Variants in RBPMS observed in about 807,000 individuals in gnomAD.
The protein encoded by RBPMS is RNA binding protein, mRNA processing factor.
A neutral mutation model predicts 26.8 loss-of-function variants in RBPMS; 7 were observed. That is an observed-to-expected ratio of 0.26 (90% CI 0.15 to 0.49). The LOEUF (loss-of-function observed/expected upper bound fraction) is 0.49. Among genes scored for constraint, RBPMS ranks in the 20% least tolerant of loss-of-function variants. RBPMS has a pLI of 0.98. For missense variants in RBPMS, 186 were observed against 250.0 expected, an observed-to-expected ratio of 0.74 and a Z score of 1.73; for synonymous variants, 96 against 93.3, an observed-to-expected ratio of 1.03 and a Z score of -0.17.
At chr8:30,424,623 G>A (rs1368936167) in intron 1 of RBPMS, among the ~76,000 whole-genome samples, 1 of 152,182 alleles carries the variant, frequency 6.6e-6, no homozygotes, top group Non-Finnish European at 1.5e-5. Flanking sequence ...TCATCTGTTT[G>A]TAAGAAGAGA....
At chr8:30,542,104 G>T (rs1336282037) in intron 5 of RBPMS, among the ~76,000 whole-genome samples, 1 of 152,190 alleles carries the variant, frequency 6.6e-6, no homozygotes, top group Non-Finnish European at 1.5e-5. Context: ...TTTATCAAGT[G>T]TAAGTTCACC....
Position 30,533,462 on chromosome 8 carries a change from T to C in RBPMS, c.398-11032T>C, listed in dbSNP as rs558010787. ...GCACTTTTGAGATGTCCACACTTTG[T>C]TGCTAGCAGCTTTGTTACCTGTGGA... On this transcript the variant is annotated intron_variant, in intron 5 of 8. Transcript: ENST00000397323. 1.1e-4 allele frequency among the ~76,000 whole-genome samples: 16 copies of C among 152,342 alleles called. No homozygotes were observed. The South Asian group carries it at 2.5e-3, about 24-fold the overall frequency.
chr8:30,446,934 C>G (rs550331502), intron 1 of RBPMS: 2 of 152,048 alleles, frequency 1.3e-5, no homozygotes, highest in African/African-American at 4.8e-5. Flanking sequence ...TCTCTGCCAT[C>G]TTCAACAGGT....
intron 5 of RBPMS, among the ~76,000 whole-genome samples, chr8:30,519,623 A>C (rs1822818135): frequency 6.6e-6 from 1 of 151,642 alleles, no homozygotes; most frequent in African/African-American, 2.4e-5. Flanking sequence ...AACTGGGACT[A>C]TAGGCGCCCA....
chr8:30,550,589 G>A (rs150016710), intron 6 of RBPMS, among the ~76,000 whole-genome samples: 1,979 of 152,294 alleles, frequency 0.013, 13 homozygotes, highest in Middle Eastern at 0.024. Flanking sequence ...GAGACCTCAC[G>A]GCTGGAGCCA....
chr8:30,520,916 C>T (rs1822957651), intron 5 of RBPMS, among the ~76,000 whole-genome samples: 1 of 151,892 alleles, frequency 6.6e-6, no homozygotes, highest in East Asian at 1.9e-4. Flanking sequence ...TATTTTCTTC[C>T]CAATTGTAAG....
chr8:30,393,447 T>G (rs1385889713), intron 1 of RBPMS, among the ~76,000 whole-genome samples: 4 of 152,132 alleles, frequency 2.6e-5, no homozygotes, highest in Non-Finnish European at 4.4e-5. Flanking sequence ...TTGACTTTTT[T>G]GGGGAAAAGG....
chr8:30,450,968 T>C (rs1814514632), intron 1 of RBPMS, among the ~76,000 whole-genome samples: 1 of 151,370 alleles, frequency 6.6e-6, no homozygotes. Context: ...GTAAAAAATA[T>C]CAAAAAATAT....
At chr8:30,458,986 G>A (rs1345168885) in intron 1 of RBPMS, among the ~76,000 whole-genome samples, 4 of 141,906 alleles carry the variant, frequency 2.8e-5, no homozygotes, top group Non-Finnish European at 1.5e-5. Context: ...TTTTTGAGAC[G>A]GAGTCTCACT....
intron 5 of RBPMS, among the ~76,000 whole-genome samples, chr8:30,510,699 CCTTCCAAATAGCTGGG>C (rs1821501657): frequency 6.6e-6 from 1 of 152,126 alleles, no homozygotes; most frequent in East Asian, 1.9e-4. Context: ...TCTACCTCAG[CCTTCCAAATAGCTGGG>C]ACTACAGGTG....
intron 1 of RBPMS, 56 bp from the exon 2 acceptor site, chr8:30,474,723 A>C: frequency 1.1e-6 from 1 of 939,602 alleles, no homozygotes; most frequent in Non-Finnish European, 1.7e-6. Context: ...ATCAGGTGAG[A>C]GTTAACTCTC....
At chr8:30,476,261 A>G (rs1239089147) in intron 2 of RBPMS, among the ~76,000 whole-genome samples, 1 of 152,230 alleles carries the variant, frequency 6.6e-6, no homozygotes, top group Non-Finnish European at 1.5e-5. Flanking sequence ...GGCAGAGCCA[A>G]GATTCAAACC....
intron 5 of RBPMS, among the ~76,000 whole-genome samples, chr8:30,517,672 C>T (rs1246791571): frequency 6.6e-6 from 1 of 152,152 alleles, no homozygotes; most frequent in Non-Finnish European, 1.5e-5. Flanking sequence ...GGAGTGTTTA[C>T]ACATAGTAGA....
chr8:30,462,745 G>A (rs1477596291), intron 1 of RBPMS, among the ~76,000 whole-genome samples: 1 of 151,964 alleles, frequency 6.6e-6, no homozygotes, highest in Non-Finnish European at 1.5e-5. Context: ...TGTTGTTGTT[G>A]TTGTTTTTAA....
intron 1 of RBPMS, 65 bp downstream of exon 1, chr8:30,385,223 G>A: frequency 3.3e-6 from 4 of 1,198,706 alleles, no homozygotes; most frequent in Non-Finnish European, 4.4e-6. Context: ...CCGGCGGGGC[G>A]CGGGCCCGGG....
chr8:30,526,694 C>A (rs994574078), intron 5 of RBPMS, among the ~76,000 whole-genome samples: 5 of 152,144 alleles, frequency 3.3e-5, no homozygotes, highest in African/African-American at 1.2e-4. Context: ...AGACTGACTT[C>A]ATTCAGGAAA....
At chr8:30,562,024 A>T (rs1827532617) in intron 7 of RBPMS, 1 of 985,202 alleles carries the variant, frequency 1.0e-6, no homozygotes, top group Admixed American at 6.1e-5. Context: ...AGATCCGAAT[A>T]AGATCCGAAT....
intron 5 of RBPMS, among the ~76,000 whole-genome samples, chr8:30,506,981 A>G (rs1345175759): frequency 1.3e-5 from 2 of 152,322 alleles, no homozygotes; most frequent in East Asian, 1.9e-4. Flanking sequence ...TGGTGGTCAA[A>G]GTTGTCAGAA....
intron 6 of RBPMS, chr8:30,552,515 G>A (rs1051840837): frequency 6.6e-5 from 10 of 152,216 alleles, no homozygotes; most frequent in African/African-American, 1.4e-4. Flanking sequence ...GTTCTGCCAC[G>A]AAGTTCTATG....
Sources: allele counts gnomAD v4.1 joint callset (sites outside exome capture counted in the v4.1 genomes callset), GRCh38; gene constraint gnomAD v4.1.1; transcripts MANE v1.5; gene names NCBI Gene and HGNC (gene_info 2026-07-23, HGNC 2026-07-21).